Variants in STAG1 observed in about 807,000 individuals in gnomAD.
STAG1 encodes the protein cohesin subunit SA-1.
STAG1 carries 26 observed loss-of-function variants against 170.9 expected under a neutral mutation model. The observed-to-expected ratio is 0.15, with a 90% confidence interval of 0.11 to 0.21. The LOEUF is 0.21. Among genes scored for constraint, STAG1 ranks in the 10% least tolerant of loss-of-function variants. STAG1 has a pLI of 1.00. For missense variants in STAG1, 964 were observed against 1,509.5 expected (o/e 0.64, Z 5.99); for synonymous variants, 514 against 497.7 (o/e 1.03, Z -0.44).
chr3:136,715,966 T>C (rs995519030), intron 1 of STAG1, among the ~76,000 whole-genome samples: 1 of 151,930 alleles, frequency 6.6e-6, no homozygotes, highest in African/African-American at 2.4e-5. Context: ...AGTGTAGTGG[T>C]GCATGCCAGT....
chr3:136,480,741 G>A lies in STAG1; in HGVS notation c.903-3329C>T, dbSNP rs78149789. 1.4e-4 allele frequency among the ~76,000 whole-genome samples: 9 copies of A among 62,554 alleles called. 1 individual carries two copies. The highest frequency in any genetic ancestry group is 8.3e-4 in the South Asian group (1 of 1,210). The allele number at this position is 62,554 out of a possible 152,430, so 41.0% of individuals were successfully genotyped here. The stretch of plus-strand genomic sequence containing the variant: ...GAATGTTCTTCCATTTGTTTGTGTC[G>A]TCTGTTATTTCCTTGAGCAGTGGTT... On this transcript the variant is annotated intron_variant, in intron 9 of 33. Coordinates refer to ENST00000383202, the MANE Select transcript of STAG1 (RefSeq NM_005862.3).
intron 1 of STAG1, among the ~76,000 whole-genome samples, chr3:136,640,966 C>A (rs950542078): frequency 1.3e-5 from 2 of 152,316 alleles, no homozygotes; most frequent in South Asian, 4.1e-4. Flanking sequence ...TGAGCCACTG[C>A]GCCCGGCCCC....
At chr3:136,733,258 T>C (rs944694638) in intron 1 of STAG1, among the ~76,000 whole-genome samples, 2 of 151,938 alleles carry the variant, frequency 1.3e-5, no homozygotes, top group Admixed American at 6.6e-5. Flanking sequence ...CTAATTTTTG[T>C]ATTTTTTTGT....
intron 13 of STAG1, among the ~76,000 whole-genome samples, chr3:136,456,571 A>G (rs527801600): frequency 2.6e-5 from 4 of 152,314 alleles, no homozygotes; most frequent in African/African-American, 7.2e-5. Context: ...CGAGAGAGAA[A>G]AAGGGCCTGG....
At chr3:136,637,980 C>T (rs1195313087) in intron 1 of STAG1, among the ~76,000 whole-genome samples, 2 of 151,690 alleles carry the variant, frequency 1.3e-5, no homozygotes, top group African/African-American at 4.8e-5. Flanking sequence ...CCCAAGTGAT[C>T]CTGGCCACAG....
At chr3:136,704,976 T>C (rs866451784) in intron 1 of STAG1, among the ~76,000 whole-genome samples, 5 of 151,690 alleles carry the variant, frequency 3.3e-5, no homozygotes, top group Middle Eastern at 3.2e-3. Context: ...AGTTCAACAA[T>C]AATACCTAAC....
chr3:136,643,980 A>AT (rs1474919893), intron 1 of STAG1, among the ~76,000 whole-genome samples: 2 of 152,162 alleles, frequency 1.3e-5, no homozygotes, highest in African/African-American at 2.4e-5. Context: ...TCGATACTTA[A>AT]TTTTTTTAAT....
intron 29 of STAG1, among the ~76,000 whole-genome samples, 164 bp from the exon 30 acceptor site, chr3:136,344,170 C>T (rs1183556628): frequency 6.6e-6 from 1 of 152,182 alleles, no homozygotes; most frequent in East Asian, 1.9e-4. Flanking sequence ...ATTAAACTTC[C>T]AAAGTTGAGT....
intron 1 of STAG1, among the ~76,000 whole-genome samples, chr3:136,690,859 G>C (rs1169541703): frequency 2.0e-5 from 3 of 151,612 alleles, no homozygotes; most frequent in African/African-American, 7.3e-5. Flanking sequence ...TGGTGGATTT[G>C]ACTAGTAGGG....
chr3:136,524,919 C>G (rs528779383), intron 6 of STAG1, among the ~76,000 whole-genome samples: 1 of 152,252 alleles, frequency 6.6e-6, no homozygotes, highest in East Asian at 1.9e-4. Context: ...GTATGGTGAA[C>G]CAGCCTTGCA....
At chr3:136,548,814 G>A (rs1936265749) in intron 5 of STAG1, among the ~76,000 whole-genome samples, 1 of 152,154 alleles carries the variant, frequency 6.6e-6, no homozygotes, top group Non-Finnish European at 1.5e-5. Context: ...GGGCCTGGTA[G>A]GAGGTGGTTG....
chr3:136,440,234 T>C (rs9809184), intron 15 of STAG1, among the ~76,000 whole-genome samples: 55,347 of 151,826 alleles, frequency 0.36, 11,147 homozygotes, highest in African/African-American at 0.53. Flanking sequence ...GCCTCCCGGG[T>C]TTACACCATT....
At chr3:136,571,920 C>T (rs543869328) in intron 4 of STAG1, among the ~76,000 whole-genome samples, 5 of 152,126 alleles carry the variant, frequency 3.3e-5, no homozygotes, top group South Asian at 2.1e-4. Context: ...CGGTGGCTCA[C>T]GCCTGTAATC....
chr3:136,419,187 C>G (rs2087870752), intron 20 of STAG1, among the ~76,000 whole-genome samples: 2 of 152,026 alleles, frequency 1.3e-5, no homozygotes, highest in Admixed American at 1.3e-4. Context: ...ACACTAGTAA[C>G]TTCTGTTTTC....
In STAG1 at chr3:136,694,567, G is replaced by C. The variant is rs535295106; in HGVS notation, c.-84+57628C>G. 3.2e-3 allele frequency among the ~76,000 whole-genome samples: 478 copies of C among 151,210 alleles called. 4 individuals carry two copies. The highest frequency in any genetic ancestry group is 9.8e-3 in the African/African-American group (402 of 41,198). On this transcript the variant is annotated intron_variant, in intron 1 of 33. Transcript: ENST00000383202. ...GGAGGTTGGGGCTATAGTGAGCTAT[G>C]ATCATGCCACTGCCTAGGCTGCAGA...
At chr3:136,742,095 A>G (rs1934699500) in intron 1 of STAG1, among the ~76,000 whole-genome samples, 1 of 152,230 alleles carries the variant, frequency 6.6e-6, no homozygotes, top group African/African-American at 2.4e-5. Context: ...TTCCACAGTC[A>G]TAGTTGGATA....
chr3:136,454,166 C>T (rs887807005), intron 13 of STAG1, among the ~76,000 whole-genome samples: 6 of 152,162 alleles, frequency 3.9e-5, no homozygotes, highest in African/African-American at 1.4e-4. Flanking sequence ...ACAATCTCCG[C>T]CTCCTAGATT....
chr3:136,702,127 G>C (rs1012788912), intron 1 of STAG1, among the ~76,000 whole-genome samples: 2 of 97,412 alleles, frequency 2.1e-5, no homozygotes, highest in African/African-American at 1.4e-4. Context: ...GAGAGACAGA[G>C]AGACAGAGAG....
intron 1 of STAG1, among the ~76,000 whole-genome samples, chr3:136,708,284 T>C (rs1322646534): frequency 6.6e-6 from 1 of 152,174 alleles, no homozygotes; most frequent in Admixed American, 6.5e-5. Flanking sequence ...TACAATTGAA[T>C]GTTATTTAGC....
Sources: gnomAD v4.1 joint callset for allele counts (sites outside exome capture counted in the v4.1 genomes callset) on GRCh38, gnomAD v4.1.1 for gene constraint, MANE v1.5 for transcripts, NCBI Gene and HGNC (gene_info 2026-07-23, HGNC 2026-07-21) for gene names.